Variants in CFAP58 observed in about 807,000 individuals in gnomAD.
The protein encoded by CFAP58 is cilia and flagella associated protein 58.
Under a neutral mutation model 119.5 loss-of-function variants are expected in CFAP58, and 88 were observed. That is an observed-to-expected ratio of 0.74 (90% CI 0.62 to 0.88). The LOEUF (loss-of-function observed/expected upper bound fraction) is 0.88. Ranked by LOEUF, CFAP58 falls within the 40% of genes least tolerant of loss-of-function variation. The pLI is 0.00. For synonymous variants in CFAP58, 365 were observed against 366.3 expected (o/e 1.00, Z 0.04); for missense variants, 990 against 1,021.2 (o/e 0.97, Z 0.42).
At chr10:104,421,570 G>A (rs753808764) in intron 15 of CFAP58, among the ~76,000 whole-genome samples, 22 of 152,232 alleles carry the variant, frequency 1.4e-4, no homozygotes, top group Non-Finnish European at 2.9e-4. Flanking sequence ...AAGGAAGAGA[G>A]AATAGGTCTC....
intron 11 of CFAP58, among the ~76,000 whole-genome samples, chr10:104,395,004 A>G (rs887415448): frequency 6.6e-6 from 1 of 152,174 alleles, no homozygotes; most frequent in Non-Finnish European, 1.5e-5. Flanking sequence ...CCTTTAAAGG[A>G]TGGTGTTGGG....
chr10:104,370,038 C>T (rs866054716), intron 6 of CFAP58, among the ~76,000 whole-genome samples: 1 of 152,076 alleles, frequency 6.6e-6, no homozygotes, highest in Non-Finnish European at 1.5e-5. Context: ...CATATGTATA[C>T]CTAGAGACCA....
chr10:104,454,384 G>A (rs1355957020), intron 17 of CFAP58, 38 bp from the exon 18 acceptor site: 1 of 1,487,072 alleles, frequency 6.7e-7, no homozygotes, highest in Non-Finnish European at 9.4e-7. Flanking sequence ...AGACAAAAAG[G>A]ATGTTAAGGA....
chr10:104,370,393 T>C (rs777102947), intron 6 of CFAP58, among the ~76,000 whole-genome samples: 54 of 152,316 alleles, frequency 3.5e-4, no homozygotes, highest in Non-Finnish European at 6.2e-4. Context: ...CTCACAATCA[T>C]GGTGGAAGGC....
chr10:104,408,969 G>A (rs114710469), intron 15 of CFAP58, among the ~76,000 whole-genome samples: 2,958 of 152,130 alleles, frequency 0.019, 47 homozygotes, highest in South Asian at 0.053. Context: ...GCGTGGGGGC[G>A]TGCACGTTTA....
intron 14 of CFAP58, among the ~76,000 whole-genome samples, 165 bp downstream of exon 14, chr10:104,404,005 C>A (rs1179664955): frequency 6.6e-6 from 1 of 152,208 alleles, no homozygotes; most frequent in Non-Finnish European, 1.5e-5. Flanking sequence ...TTCTCAGAAC[C>A]AGATGGTTCA....
chr10:104,441,064 G>A (rs2013029046), intron 15 of CFAP58, among the ~76,000 whole-genome samples: 1 of 152,330 alleles, frequency 6.6e-6, no homozygotes, highest in East Asian at 1.9e-4. Context: ...GTGCAGTGGA[G>A]CAATCTTGGC....
At chr10:104,402,339 T>A (rs2012280539) in intron 13 of CFAP58, among the ~76,000 whole-genome samples, 1 of 152,234 alleles carries the variant, frequency 6.6e-6, no homozygotes, top group South Asian at 2.1e-4. Flanking sequence ...TGCTTTTAAT[T>A]CTAAGCAGCT....
At chr10:104,341,935 A>G in the CFAP58 span, among the ~76,000 whole-genome samples, 1 of 152,206 alleles carries the variant, frequency 6.6e-6, no homozygotes, top group African/African-American at 2.4e-5. Context: ...CAAGATATGA[A>G]TGTCCTCCTT....
At chr10:104,403,381 C>CT (rs1215100944) in intron 13 of CFAP58, among the ~76,000 whole-genome samples, 3 of 152,138 alleles carry the variant, frequency 2.0e-5, no homozygotes, top group Non-Finnish European at 4.4e-5. Context: ...ATAAATTACC[C>CT]AGTCTTGGGT....
intron 15 of CFAP58, among the ~76,000 whole-genome samples, chr10:104,408,700 C>T (rs993581636): frequency 3.3e-5 from 5 of 152,172 alleles, no homozygotes; most frequent in Non-Finnish European, 7.4e-5. Context: ...TCTATATACT[C>T]TGGGTTTACT....
chr10:104,376,361 G>A (rs1389734394), intron 7 of CFAP58, among the ~76,000 whole-genome samples: 2 of 151,794 alleles, frequency 1.3e-5, no homozygotes, highest in Admixed American at 6.6e-5. Context: ...ATAATTAGCC[G>A]GGCATGGTGG....
intron 15 of CFAP58, among the ~76,000 whole-genome samples, chr10:104,442,617 A>C (rs1589937975): frequency 1.3e-5 from 2 of 151,982 alleles, no homozygotes; most frequent in East Asian, 3.9e-4. Flanking sequence ...TTATGCTTAC[A>C]TTTTTATATT....
At chr10:104,418,870 T>C (rs2012596675) in intron 15 of CFAP58, among the ~76,000 whole-genome samples, 1 of 152,136 alleles carries the variant, frequency 6.6e-6, no homozygotes, top group Admixed American at 6.5e-5. Flanking sequence ...GCTCCCTCAC[T>C]AGACGATGAT....
intron 15 of CFAP58, among the ~76,000 whole-genome samples, chr10:104,432,664 A>C (rs1313172890): frequency 1.3e-5 from 2 of 151,918 alleles, no homozygotes; most frequent in Admixed American, 1.3e-4. Flanking sequence ...CACCATGCCT[A>C]GCTAATTTTT....
At chr10:104,449,125 G>A (rs2013154301) in intron 16 of CFAP58, among the ~76,000 whole-genome samples, 2 of 151,528 alleles carry the variant, frequency 1.3e-5, no homozygotes, top group African/African-American at 2.4e-5. Context: ...TTTAGAAGGA[G>A]GGTCTTTGTT....
At chr10:104,379,901 A>C in intron 8 of CFAP58, 128 bp from the exon 9 acceptor site, 2 of 841,310 alleles carry the variant, frequency 2.4e-6, no homozygotes, top group Non-Finnish European at 3.8e-6. Context: ...GCTGTAGAGA[A>C]TATGATCATT....
chr10:104,413,706 ACATCATCATCATCAT>A (rs199893413), intron 15 of CFAP58, among the ~76,000 whole-genome samples: 5 of 143,760 alleles, frequency 3.5e-5, no homozygotes, highest in Non-Finnish European at 6.0e-5. Flanking sequence ...GGGTATCATT[ACATCATCATCATCAT>A]CATCATCATC....
intron 2 of CFAP58, among the ~76,000 whole-genome samples, chr10:104,359,625 C>T (rs1200671957): frequency 5.3e-5 from 8 of 152,078 alleles, no homozygotes; most frequent in South Asian, 2.1e-4. Context: ...GGTGAAACCC[C>T]GTCTCTACCA....
Sources: allele counts gnomAD v4.1 joint callset (sites outside exome capture counted in the v4.1 genomes callset), GRCh38; gene constraint gnomAD v4.1.1; transcripts MANE v1.5; gene names NCBI Gene and HGNC (gene_info 2026-07-23, HGNC 2026-07-21).